SPIDR: variants seen among roughly 807,000 people sequenced by gnomAD.
The protein encoded by SPIDR is DNA repair-scaffolding protein.
A neutral mutation model predicts 104.6 loss-of-function variants in SPIDR; 93 were observed. The observed-to-expected ratio is 0.89, with a 90% confidence interval of 0.75 to 1.06. The LOEUF (loss-of-function observed/expected upper bound fraction) is 1.06. SPIDR is among the 50% of genes least tolerant of loss of function. SPIDR has a pLI of 0.00. For missense variants in SPIDR, 1,154 were observed against 1,111.2 expected (o/e 1.04, Z -0.55); for synonymous variants, 431 against 416.9 (o/e 1.03, Z -0.41).
intron 8 of SPIDR, among the ~76,000 whole-genome samples, chr8:47,585,670 G>C (rs1225089693): frequency 9.2e-5 from 14 of 152,150 alleles, no homozygotes; most frequent in Admixed American, 9.2e-4. Context: ...TGGAGGTCGA[G>C]GGGTTGCATC....
At chr8:47,681,598 T>C (rs2077108805) in intron 11 of SPIDR, among the ~76,000 whole-genome samples, 1 of 152,204 alleles carries the variant, frequency 6.6e-6, no homozygotes, top group African/African-American at 2.4e-5. Flanking sequence ...GGAAACATAT[T>C]TTTTAAATCT....
intron 10 of SPIDR, among the ~76,000 whole-genome samples, chr8:47,637,782 G>A (rs1388888197): frequency 1.3e-5 from 2 of 152,100 alleles, no homozygotes; most frequent in Non-Finnish European, 2.9e-5. Context: ...TCAGGTTTCT[G>A]CACTATGAAG....
intron 5 of SPIDR, among the ~76,000 whole-genome samples, chr8:47,381,931 A>G (rs2059375615): frequency 6.6e-6 from 1 of 152,144 alleles, no homozygotes; most frequent in South Asian, 2.1e-4. Flanking sequence ...CCTTTGTTCT[A>G]CCAGCTGGGT....
At chr8:47,426,689 G>T (rs1025882734) in intron 7 of SPIDR, among the ~76,000 whole-genome samples, 3 of 152,186 alleles carry the variant, frequency 2.0e-5, no homozygotes, top group African/African-American at 7.2e-5. Context: ...CACCTGCCTG[G>T]AGGCTGGGAA....
At chr8:47,362,311 A>G (rs564557128) in intron 5 of SPIDR, among the ~76,000 whole-genome samples, 1 of 152,316 alleles carries the variant, frequency 6.6e-6, no homozygotes, top group South Asian at 2.1e-4. Flanking sequence ...TTAGCCGCAG[A>G]GTTGAAAACT....
intron 5 of SPIDR, among the ~76,000 whole-genome samples, chr8:47,366,404 C>T (rs1247386765): frequency 1.3e-5 from 2 of 152,068 alleles, no homozygotes; most frequent in Non-Finnish European, 1.5e-5. Flanking sequence ...GTGTTAGGGA[C>T]TTTCTTGGGA....
chr8:47,696,286 G>T (rs1032766071), intron 11 of SPIDR, among the ~76,000 whole-genome samples: 2 of 152,266 alleles, frequency 1.3e-5, no homozygotes, highest in South Asian at 4.1e-4. Context: ...GATTTTGACA[G>T]CTTCCAAAAT....
At chr8:47,271,992 T>C (rs2035426971) in intron 1 of SPIDR, among the ~76,000 whole-genome samples, 1 of 151,998 alleles carries the variant, frequency 6.6e-6, no homozygotes, top group South Asian at 2.1e-4. Context: ...TTTCTTTTTT[T>C]GAGATGGAGT....
At chr8:47,623,510 A>G (rs1272239767) in intron 10 of SPIDR, among the ~76,000 whole-genome samples, 1 of 152,198 alleles carries the variant, frequency 6.6e-6, no homozygotes, top group African/African-American at 2.4e-5. Flanking sequence ...GTGCAGAGAC[A>G]CATATAGGCC....
intron 5 of SPIDR, among the ~76,000 whole-genome samples, chr8:47,339,736 A>G (rs547410266): frequency 1.4e-5 from 2 of 148,010 alleles, no homozygotes; most frequent in Non-Finnish European, 3.0e-5. Flanking sequence ...CTGGAGTGCA[A>G]TGGTGTGATC....
At chr8:47,638,245 C>CT (rs374518384) in intron 10 of SPIDR, among the ~76,000 whole-genome samples, 1 of 152,016 alleles carries the variant, frequency 6.6e-6, no homozygotes, top group Non-Finnish European at 1.5e-5. Context: ...GACCTGGCTC[C>CT]TTTTTTTCAA....
chr8:47,451,076 A>C (rs1585917014), intron 8 of SPIDR, among the ~76,000 whole-genome samples: 1 of 152,330 alleles, frequency 6.6e-6, no homozygotes, highest in East Asian at 1.9e-4. Flanking sequence ...GCCATCCTTG[A>C]GGAAATTGAG....
Position 47,396,358 on chromosome 8 carries a change from C to A in SPIDR, c.526-18C>A, listed in dbSNP as rs1422697093. ...CCTTTGTATTTAAAAATATGCCTTT[C>A]TTTTAATTTTTTTTCAGCCAAGTTC... is the stretch of plus-strand genomic sequence containing the variant. On this transcript the variant is annotated intron_variant, in intron 5 of 19. Transcript: ENST00000297423. 2 of 1,555,782 alleles carry A rather than the reference C, an allele frequency of 1.3e-6. No individual in the cohort carries two copies. The highest frequency in any genetic ancestry group is 1.7e-5 in the Admixed American group (1 of 58,148).
intron 8 of SPIDR, among the ~76,000 whole-genome samples, chr8:47,476,194 G>A (rs1242102088): frequency 6.6e-6 from 1 of 152,166 alleles, no homozygotes; most frequent in African/African-American, 2.4e-5. Context: ...TTGCTTGACG[G>A]ATGGTCTGTT....
At chr8:47,709,226 C>A (rs983265740) in intron 14 of SPIDR, among the ~76,000 whole-genome samples, 2 of 152,120 alleles carry the variant, frequency 1.3e-5, no homozygotes, top group African/African-American at 4.8e-5. Flanking sequence ...CTGCAACCTC[C>A]ACCTCCCAGG....
chr8:47,391,251 A>G (rs1250049794), intron 5 of SPIDR, among the ~76,000 whole-genome samples: 1 of 152,158 alleles, frequency 6.6e-6, no homozygotes, highest in Non-Finnish European at 1.5e-5. Context: ...AGAAATGACT[A>G]CATGGGCCGG....
chr8:47,673,351 G>T, intron 10 of SPIDR: 1 of 454,268 alleles, frequency 2.2e-6, no homozygotes, highest in South Asian at 1.6e-5. Flanking sequence ...TGTTCTTATC[G>T]TAATGTTATC....
At chr8:47,614,467 C>T (rs374837896) in intron 10 of SPIDR, among the ~76,000 whole-genome samples, 13 of 152,162 alleles carry the variant, frequency 8.5e-5, no homozygotes, top group East Asian at 7.7e-4. Flanking sequence ...CATGATCCGC[C>T]CACCTCGGCC....
chr8:47,700,506 G>T lies in SPIDR; in HGVS notation c.1773+16G>T. On this transcript the variant is annotated intron_variant, in intron 12 of 19. Transcript: ENST00000297423. ...CTGTGAAGAGGTAAGCCCGGCACTG[G>T]AAAAACTTCCCCAGTCACAGACTAC... 6.2e-7 allele frequency: 1 copy of T among 1,614,112 alleles called. No individual in the cohort carries two copies. The highest frequency in any genetic ancestry group is 8.5e-7 in the Non-Finnish European group (1 of 1,179,982).
Sources: allele counts gnomAD v4.1 joint callset (sites outside exome capture counted in the v4.1 genomes callset), GRCh38; gene constraint gnomAD v4.1.1; transcripts MANE v1.5; gene names NCBI Gene and HGNC (gene_info 2026-07-23, HGNC 2026-07-21).